ATP11A: variants seen among roughly 807,000 people sequenced by gnomAD.
The protein encoded by ATP11A is ATPase phospholipid transporting 11A, also known as phospholipid-transporting ATPase IH.
A neutral mutation model predicts 154.4 loss-of-function variants in ATP11A; 81 were observed. The observed-to-expected ratio is 0.52, with a 90% CI of 0.44 to 0.63. The LOEUF (loss-of-function observed/expected upper bound fraction) is 0.63, where lower values mean the gene tolerates loss of function less well. Among genes scored for constraint, ATP11A ranks in the 30% least tolerant of loss-of-function variants. ATP11A has a pLI of 0.00. For synonymous variants in ATP11A, 623 were observed against 585.9 expected, an observed-to-expected ratio of 1.06 and a Z score of -0.91; for missense variants, 1,316 against 1,474.3, an observed-to-expected ratio of 0.89 and a Z score of 1.76.
chr13:112,817,917 C>T (rs974090136), intron 6 of ATP11A, among the ~76,000 whole-genome samples: 7 of 152,356 alleles, frequency 4.6e-5, no homozygotes, highest in Admixed American at 3.9e-4. Context: ...CTGTTTGGAT[C>T]CCGTGGGGCT....
rs781598477 is a variant in ATP11A, at chr13:112,872,261, C to CT, written c.3057+461_3057+462insT. Among the ~76,000 whole-genome samples, 6 of 152,120 alleles carry CT rather than the reference C, an allele frequency of 3.9e-5. No individual in the cohort carries two copies. The East Asian group carries it at 1.2e-3, about 29-fold the overall frequency. On this transcript the variant is annotated intron_variant, in intron 26 of 29. Transcript: ENST00000375645. ...CAGACTGAGTCTTAAAAAGTGATAC[C>CT]AAAACATTCCTAAGGTGATTTTCTT...
In ATP11A at chr13:112,696,382, G is replaced by C. The variant is rs1885805035; in HGVS notation, c.39+5927G>C. Among the ~76,000 whole-genome samples, 1 of 152,040 alleles carries C rather than the reference G, an allele frequency of 6.6e-6. No individual in the cohort carries two copies. The highest frequency in any genetic ancestry group is 6.5e-5 in the Admixed American group (1 of 15,280). On this transcript the variant is annotated intron_variant, in intron 1 of 29. Transcript: ENST00000375645. This position sits in a 1 kb window ranked among gnomAD's most constrained non-coding sequence, Gnocchi z 6.2. Reference sequence around the variant, plus strand: ...CTCCCGGGGAGAGCGGTGGTCACTGGTGGGAACGCCCCTGCCACGCCCAGC... The same window carrying C: ...CTCCCGGGGAGAGCGGTGGTCACTGCTGGGAACGCCCCTGCCACGCCCAGC...
At chr13:112,857,479 C>T (rs938115978) in intron 20 of ATP11A, among the ~76,000 whole-genome samples, 18 of 152,362 alleles carry the variant, frequency 1.2e-4, no homozygotes, top group African/African-American at 4.1e-4. Context: ...AGGATTTACA[C>T]ACTTTTCCAT....
intron 2 of ATP11A, among the ~76,000 whole-genome samples, chr13:112,800,394 T>C (rs1466251562): frequency 6.6e-6 from 1 of 152,146 alleles, no homozygotes; most frequent in Non-Finnish European, 1.5e-5. Flanking sequence ...CTTGGTAACT[T>C]AGATAACATT....
At chr13:112,725,828 G>C (rs944843168) in intron 1 of ATP11A, among the ~76,000 whole-genome samples, 1 of 152,218 alleles carries the variant, frequency 6.6e-6, no homozygotes, top group Non-Finnish European at 1.5e-5. Flanking sequence ...AGATCCCTGC[G>C]TGCAGGTGAG....
At chr13:112,862,417 C>T (rs769059018) in intron 24 of ATP11A, 23 bp from the exon 25 acceptor site, 30 of 1,612,488 alleles carry the variant, frequency 1.9e-5, no homozygotes, top group Non-Finnish European at 2.2e-5. Flanking sequence ...AGGACACACG[C>T]TGTGCACCTT....
chr13:112,713,894 C>T (rs1438284542), intron 1 of ATP11A, among the ~76,000 whole-genome samples: 2 of 151,840 alleles, frequency 1.3e-5, no homozygotes, highest in Non-Finnish European at 1.5e-5. Flanking sequence ...GCCCCAGCCT[C>T]CCTTCCACTC....
intron 17 of ATP11A, among the ~76,000 whole-genome samples, chr13:112,850,195 C>A (rs1028383534): frequency 1.3e-5 from 2 of 152,224 alleles, no homozygotes; most frequent in Admixed American, 6.5e-5. Context: ...TCAACTCTTA[C>A]AAACCAGCAT....
chr13:112,877,412 G>A (rs1594258739), intron 28 of ATP11A, among the ~76,000 whole-genome samples: 1 of 152,228 alleles, frequency 6.6e-6, no homozygotes, highest in Admixed American at 6.5e-5. Flanking sequence ...GCGGGCACAC[G>A]TGTTCATGAC....
At chr13:112,702,518 C>A (rs569222650) in intron 1 of ATP11A, among the ~76,000 whole-genome samples, 1 of 152,166 alleles carries the variant, frequency 6.6e-6, no homozygotes. Flanking sequence ...GCCTCGGGCC[C>A]GATGTGCCAG....
At chr13:112,845,754 G>A (rs61961576) in intron 17 of ATP11A, among the ~76,000 whole-genome samples, 3 of 102,452 alleles carry the variant, frequency 2.9e-5, no homozygotes, top group East Asian at 2.8e-4. Context: ...GTACTAACCA[G>A]TCCAGTTGCC....
At chr13:112,803,152 A>G (rs1259198992) in intron 2 of ATP11A, among the ~76,000 whole-genome samples, 2 of 152,258 alleles carry the variant, frequency 1.3e-5, no homozygotes, top group African/African-American at 4.8e-5. Context: ...GAATTAGAAT[A>G]GAAAATGGAA....
intron 2 of ATP11A, among the ~76,000 whole-genome samples, chr13:112,795,193 C>T (rs1201847414): frequency 6.6e-6 from 1 of 152,104 alleles, no homozygotes; most frequent in Non-Finnish European, 1.5e-5. Flanking sequence ...TGCAGTGAGC[C>T]GAGATGGCGC....
Position 112,840,363 on chromosome 13 carries a change from T to C in ATP11A, c.1706-1913T>C, listed in dbSNP as rs112909605. On this transcript the variant is annotated intron_variant, in intron 16 of 29. Coordinates refer to ENST00000375645, the MANE Select transcript of ATP11A (RefSeq NM_015205.3). Reference sequence around the variant, plus strand: ...CTCAGCCTCCCCACTCTCCCGTGCCTTCCAGCCTCAGCCTCCCCATTCTCT... The same window carrying C: ...CTCAGCCTCCCCACTCTCCCGTGCCCTCCAGCCTCAGCCTCCCCATTCTCT... Among the ~76,000 whole-genome samples, 371 of 67,710 alleles carry C rather than the reference T, an allele frequency of 5.5e-3. 5 individuals carry two copies. Among genetic ancestry groups the C allele is most frequent in the East Asian group, 0.012 (23 of 1,930 alleles). The allele number at this position is 67,710 out of a possible 152,430, so 44.4% of individuals were successfully genotyped here. A position where few individuals can be genotyped will look rare whatever the true frequency, so the allele number is the denominator to read the frequency against.
At chr13:112,836,929 G>C (rs2079252138) in intron 16 of ATP11A, among the ~76,000 whole-genome samples, 1 of 152,206 alleles carries the variant, frequency 6.6e-6, no homozygotes, top group Admixed American at 6.5e-5. Flanking sequence ...GTGGTCCCCT[G>C]ACCTCCCTGC....
At chr13:112,741,020 G>C (rs1241315140) in intron 1 of ATP11A, among the ~76,000 whole-genome samples, 1 of 152,224 alleles carries the variant, frequency 6.6e-6, no homozygotes, top group East Asian at 1.9e-4. Flanking sequence ...GCACAGCACG[G>C]GTCTGAATCA....
intron 1 of ATP11A, among the ~76,000 whole-genome samples, chr13:112,721,440 G>A (rs968103644): frequency 4.6e-5 from 7 of 152,208 alleles, no homozygotes; most frequent in African/African-American, 1.2e-4. Flanking sequence ...TGGATATGTC[G>A]AGGGAAGCCG....
At chr13:112,826,630 A>G in intron 11 of ATP11A, 64 bp from the exon 12 acceptor site, 1 of 1,297,634 alleles carries the variant, frequency 7.7e-7, no homozygotes. Flanking sequence ...GTGTTAGAGC[A>G]GCATGTTGGA....
At chr13:112,776,981 G>A (rs752850292) in intron 1 of ATP11A, among the ~76,000 whole-genome samples, 3 of 152,298 alleles carry the variant, frequency 2.0e-5, no homozygotes, top group South Asian at 2.1e-4. Flanking sequence ...TGAGAGTGTC[G>A]CATCGTAGAT....
Sources: gnomAD v4.1 joint callset for allele counts (sites outside exome capture counted in the v4.1 genomes callset) on GRCh38, gnomAD v4.1.1 for gene constraint, Gnocchi (gnomAD v3.1) non-coding constraint, MANE v1.5 for transcripts, NCBI Gene and HGNC (gene_info 2026-07-23, HGNC 2026-07-21) for gene names.